Variants in NCOA1 observed in about 807,000 individuals in gnomAD.
NCOA1 encodes nuclear receptor coactivator 1, also known as Hin-2 protein.
Under a neutral mutation model 150.9 loss-of-function variants are expected in NCOA1, and 35 were observed. That is an observed-to-expected ratio of 0.23 (90% CI 0.18 to 0.31). The LOEUF is 0.31. NCOA1 is among the 10% of genes least tolerant of loss of function. NCOA1 has a pLI of 1.00. For synonymous variants in NCOA1, 590 were observed against 630.0 expected (o/e 0.94, Z 0.95); for missense variants, 1,491 against 1,749.3 (o/e 0.85, Z 2.63).
intron 11 of NCOA1, among the ~76,000 whole-genome samples, chr2:24,702,853 G>A (rs1427973128): frequency 1.3e-5 from 2 of 152,172 alleles, no homozygotes; most frequent in East Asian, 3.8e-4. Flanking sequence ...GGGAAAATTT[G>A]ATGTGTACGG....
At chr2:24,751,186 G>C (rs1328646709) in intron 19 of NCOA1, among the ~76,000 whole-genome samples, 2 of 150,632 alleles carry the variant, frequency 1.3e-5, no homozygotes, top group Non-Finnish European at 3.0e-5. Flanking sequence ...GGCTAGTCTC[G>C]AACTCCTGAC....
At chr2:24,636,174 G>A (rs558465085) in intron 3 of NCOA1, among the ~76,000 whole-genome samples, 2 of 152,212 alleles carry the variant, frequency 1.3e-5, no homozygotes, top group Non-Finnish European at 2.9e-5. Context: ...TCAAATATAT[G>A]AATTAATCTG....
intron 3 of NCOA1, among the ~76,000 whole-genome samples, chr2:24,612,942 T>C (rs1170628194): frequency 6.6e-6 from 1 of 152,204 alleles, no homozygotes; most frequent in Non-Finnish European, 1.5e-5. Context: ...TATTGAGTGG[T>C]GTCACTACGA....
intron 3 of NCOA1, among the ~76,000 whole-genome samples, chr2:24,628,718 A>G (rs1669541524): frequency 1.3e-5 from 2 of 152,244 alleles, no homozygotes; most frequent in Non-Finnish European, 2.9e-5. Context: ...TGAACAATGA[A>G]TAGGAATTGG....
intron 3 of NCOA1, among the ~76,000 whole-genome samples, chr2:24,615,023 C>T (rs1428137531): frequency 6.6e-6 from 1 of 152,098 alleles, no homozygotes; most frequent in Non-Finnish European, 1.5e-5. Flanking sequence ...GTTTATATAG[C>T]TAGTGGGTAG....
intron 14 of NCOA1, among the ~76,000 whole-genome samples, chr2:24,714,725 A>G (rs1302722396): frequency 1.3e-5 from 2 of 152,134 alleles, no homozygotes; most frequent in East Asian, 3.8e-4. Flanking sequence ...TAGTATACAC[A>G]TAATATATAA....
chr2:24,732,443 G>T (rs17736503), intron 17 of NCOA1, among the ~76,000 whole-genome samples: 6,245 of 152,258 alleles, frequency 0.041, 207 homozygotes, highest in Non-Finnish European at 0.059. Context: ...ATCGGGGCCT[G>T]TTCCTTCTCT....
intron 14 of NCOA1, among the ~76,000 whole-genome samples, chr2:24,711,957 T>G (rs1421907962): frequency 2.0e-5 from 3 of 152,242 alleles, no homozygotes; most frequent in South Asian, 4.1e-4. Context: ...ATGTGGGACT[T>G]CAGTTATTTC....
At chr2:24,720,532 A>G (rs1424673198) in intron 14 of NCOA1, among the ~76,000 whole-genome samples, 1 of 152,190 alleles carries the variant, frequency 6.6e-6, no homozygotes, top group African/African-American at 2.4e-5. Context: ...TATGTTCGCA[A>G]AGGCCAAGAG....
chr2:24,747,099 A>G (rs775096280), intron 19 of NCOA1, among the ~76,000 whole-genome samples: 4 of 151,458 alleles, frequency 2.6e-5, no homozygotes, highest in Non-Finnish European at 5.9e-5. Flanking sequence ...AACAACAGCA[A>G]CAACAACAAC....
intron 1 of NCOA1, among the ~76,000 whole-genome samples, chr2:24,558,767 A>G (rs1210716467): frequency 1.3e-5 from 2 of 152,196 alleles, no homozygotes; most frequent in Non-Finnish European, 2.9e-5. Context: ...GAGCTGGGGC[A>G]TGTTTTATAG....
At position 24,706,637 on chromosome 2, in the gene NCOA1, G is replaced by C; in HGVS notation, c.1167G>C (p.Ser389=). 1 of 1,614,036 alleles carries C rather than the reference G, an allele frequency of 6.2e-7. No individual in the cohort carries two copies. Among genetic ancestry groups the C allele is most frequent in the East Asian group, 2.2e-5 (1 of 44,888 alleles). The change falls in exon 13 of 23, where the codon TCG becomes TCC. Residue 389 remains serine (S), a synonymous_variant. Transcript: ENST00000348332. ...SGMSIPRVNP[S]VNPSISPAHG... ...TGTCAATTCCCCGAGTAAATCCCTC[G>C]GTCAATCCTAGTATCTCTCCAGCTC...
At chr2:24,633,486 T>G (rs1232214304) in intron 3 of NCOA1, among the ~76,000 whole-genome samples, 1 of 152,114 alleles carries the variant, frequency 6.6e-6, no homozygotes, top group East Asian at 1.9e-4. Context: ...ATAGTATATT[T>G]CAAGAAAATT....
At chr2:24,495,098 T>TG (rs1663145384) in intron 1 of NCOA1, among the ~76,000 whole-genome samples, 1 of 140,786 alleles carries the variant, frequency 7.1e-6, no homozygotes, top group Non-Finnish European at 1.6e-5. Flanking sequence ...AGGTGTTTTT[T>TG]TTTTGTTTTT....
At chr2:24,656,815 T>C (rs1670971730) in intron 4 of NCOA1, among the ~76,000 whole-genome samples, 1 of 152,258 alleles carries the variant, frequency 6.6e-6, no homozygotes, top group South Asian at 2.1e-4. Flanking sequence ...TGTGGCTGTC[T>C]GGTATATTTC....
intron 19 of NCOA1, among the ~76,000 whole-genome samples, chr2:24,745,978 A>C (rs1387650211): frequency 6.6e-6 from 1 of 152,120 alleles, no homozygotes; most frequent in Non-Finnish European, 1.5e-5. Context: ...GTCTTCCTGG[A>C]CACTCCCAAT....
At chr2:24,664,682 T>C (rs1202357559) in intron 5 of NCOA1, among the ~76,000 whole-genome samples, 1 of 151,876 alleles carries the variant, frequency 6.6e-6, no homozygotes, top group African/African-American at 2.4e-5. Context: ...CACTGCAGCC[T>C]GGCCTCACAG....
In NCOA1 at chr2:24,706,708, T is replaced by C. The variant is rs757994175; in HGVS notation, c.1238T>C (p.Met413Thr). The change falls in exon 13 of 23, where the codon ATG becomes ACG. Residue 413 changes from methionine (M) to threonine (T), a missense_variant. Physicochemically the swap from Met to Thr is moderately conservative, Grantham distance 81. Coordinates refer to ENST00000348332, the MANE Select transcript of NCOA1 (RefSeq NM_003743.5). ...SSTLPPSNSN[M>T]VSTRINRQQS... Reference sequence around the variant, plus strand: ...ACATTGCCACCATCCAACAGCAACATGGTATCCACCAGAATAAACCGCCAG... The same window carrying C: ...ACATTGCCACCATCCAACAGCAACACGGTATCCACCAGAATAAACCGCCAG... 3 of 1,614,158 alleles carry C rather than the reference T, an allele frequency of 1.9e-6. No homozygotes were observed. Among genetic ancestry groups the C allele is most frequent in the African/African-American group, 2.7e-5 (2 of 75,040 alleles).
At chr2:24,743,580 G>T (rs1282480707) in intron 19 of NCOA1, among the ~76,000 whole-genome samples, 1 of 152,216 alleles carries the variant, frequency 6.6e-6, no homozygotes, top group African/African-American at 2.4e-5. Flanking sequence ...CTGAACAAGA[G>T]TATGGCCTTC....
Sources: allele counts gnomAD v4.1 joint callset (sites outside exome capture counted in the v4.1 genomes callset), GRCh38; gene constraint gnomAD v4.1.1; transcripts MANE v1.5; gene names NCBI Gene and HGNC (gene_info 2026-07-23, HGNC 2026-07-21).